DNAJC4: variants seen among roughly 807,000 people sequenced by gnomAD.
The protein encoded by DNAJC4 is dnaJ homolog subfamily C member 4.
DNAJC4 carries 26 observed loss-of-function variants against 26.8 expected under a neutral mutation model. The observed-to-expected ratio is 0.97, with a 90% CI of 0.71 to 1.34. The LOEUF is 1.34. DNAJC4 is among the 40% of genes most tolerant of loss of function. The pLI is 0.00. For synonymous variants in DNAJC4, 134 were observed against 127.8 expected (o/e 1.05, Z -0.33); for missense variants, 342 against 321.1 (o/e 1.07, Z -0.50).
At position 64,232,534 on chromosome 11, in the gene DNAJC4, T is replaced by C; in HGVS notation, c.285T>C (p.Tyr95=). The C allele has an allele frequency of 1.2e-6, 2 of 1,613,406 alleles. No homozygotes were observed. Among genetic ancestry groups the C allele is most frequent in the Non-Finnish European group, 1.7e-6 (2 of 1,179,538 alleles). The change falls in exon 3 of 6, where the codon TAT becomes TAC. Residue 95 remains tyrosine, a synonymous_variant. Transcript: ENST00000628077. ...VLSREQSRRS[Y]DDQLRSGSPP... is the part of the protein sequence containing the mutation. ...GCCGTGAGCAGAGCCGCCGCAGCTA[T>C]GATGACCAGCTCCGCTCAGGTAGTC... is the stretch of plus-strand genomic sequence containing the variant.
chr11:64,232,885 G>A lies in DNAJC4; in HGVS notation c.527+20G>A, dbSNP rs755742207. ...CTTCAGGTGATGCCTGTTCTCCCCG[G>A]GGTGATGGGCAGAGGGCAGGAGGGT... On this transcript the variant is annotated intron_variant, in intron 4 of 5. Transcript: ENST00000628077. 10 of 1,554,112 alleles carry A rather than the reference G, an allele frequency of 6.4e-6. No individual in the cohort carries two copies. The South Asian group carries it at 9.7e-5, about 15-fold the overall frequency.
chr11:64,233,539 C>G, intron 4 of DNAJC4: 1 of 261,734 alleles, frequency 3.8e-6, no homozygotes, highest in East Asian at 7.7e-5. Context: ...CCGCGCCTGG[C>G]CACAAAGCCG....
upstream of DNAJC4, chr11:64,230,511 G>A (rs1262424865): frequency 6.9e-6 from 4 of 582,428 alleles, no homozygotes; most frequent in East Asian, 1.1e-4. Flanking sequence ...CGACGGCCGC[G>A]GGTCTGTGAG....
Position 64,232,493 on chromosome 11 carries a change from G to A in DNAJC4, c.244G>A (p.Ala82Thr). 6.2e-7 allele frequency: 1 copy of A among 1,612,420 alleles called. No individual in the cohort carries two copies. The highest frequency in any genetic ancestry group is 2.2e-5 in the East Asian group (1 of 44,842). The change falls in exon 3 of 6, where the codon GCA becomes ACA. Residue 82 changes from alanine (A) to threonine (T), a missense_variant. Physicochemically the swap from Ala to Thr is moderately conservative, Grantham distance 58. Coordinates refer to ENST00000628077, the MANE Select transcript of DNAJC4 (RefSeq NM_005528.4). ...CAGCCGCTTTGTGGAGCTGAGCGAG[G>A]CATACCGTGTGCTCAGCCGTGAGCA... ...LHSRFVELSE[A>T]YRVLSREQSR...
At chr11:64,232,947 C>G in intron 4 of DNAJC4, 82 bp downstream of exon 4, 2 of 1,440,196 alleles carry the variant, frequency 1.4e-6, no homozygotes, top group South Asian at 3.0e-5. Context: ...TCCTCCACAG[C>G]ACCTCGTGGC....
Position 64,234,110 on chromosome 11 carries a change from C to A in DNAJC4, c.652C>A (p.Leu218Ile), listed in dbSNP as rs756692877. 2.5e-6 allele frequency: 4 copies of A among 1,606,260 alleles called. No individual in the cohort carries two copies. In the African/African-American group the frequency reaches 5.3e-5, roughly 21 times the overall value. ...CATCCTTCAGCAGGAGCGACAACGGCTAGGGCAGCGGCAGCCGCCACCATC... is the reference window on the plus strand; with the variant it reads ...CATCCTTCAGCAGGAGCGACAACGGATAGGGCAGCGGCAGCCGCCACCATC... ...RGILQQERQR[L>I]GQRQPPPSEP... is the part of the protein sequence containing the mutation. Residue 218 changes from leucine (L) to isoleucine (I), a missense_variant, in exon 6 of 6, where the codon CTA becomes ATA. Coordinates refer to ENST00000628077, the MANE Select transcript of DNAJC4 (RefSeq NM_005528.4). This position sits in a 1 kb window ranked among gnomAD's most constrained non-coding sequence, Gnocchi z 5.3.
At chr11:64,231,209 A>G (rs1393864730) in intron 1 of DNAJC4, 1 of 607,142 alleles carries the variant, frequency 1.6e-6, no homozygotes, top group Admixed American at 2.2e-5. Flanking sequence ...ATCACTGTGC[A>G]TAACCCTCTG....
rs777302086 is a variant in DNAJC4 at position 64,230,868 on chromosome 11, T to C, written c.14T>C (p.Leu5Pro). Residue 5 changes from leucine to proline, a missense_variant, in exon 1 of 6, where the codon CTG becomes CCG. Physicochemically the swap from Leu to Pro is moderately conservative, Grantham distance 98. Transcript: ENST00000628077. ...CCGCCCGCCGCCATGCCGCCCTTAC[T>C]GCCCCTGCGCCTGTGCCGGCTGTGG... MPPL[L>P]PLRLCRLWPR... 1.5e-5 allele frequency: 24 copies of C among 1,600,432 alleles called. No homozygotes were observed. In the East Asian group the frequency reaches 5.4e-4, roughly 36 times the overall value.
intron 1 of DNAJC4, 84 bp from the exon 2 acceptor site, chr11:64,231,787 G>A: frequency 7.5e-7 from 1 of 1,333,110 alleles, no homozygotes; most frequent in Non-Finnish European, 1.1e-6. Flanking sequence ...TGGTGGCTGA[G>A]TTGAAGGGTG....
Position 64,232,714 on chromosome 11 carries a change from C to A in DNAJC4, c.376C>A (p.Pro126Thr), listed in dbSNP as rs759735167. The A allele has an allele frequency of 1.9e-6, 3 of 1,590,944 alleles. No individual in the cohort carries two copies. Among genetic ancestry groups the A allele is most frequent in the Non-Finnish European group, 1.7e-6 (2 of 1,164,282 alleles). Residue 126 changes from proline to threonine, a missense_variant, in exon 4 of 6, where the codon CCC (proline) becomes ACC (threonine). Physicochemically the swap from Pro to Thr is conservative, Grantham distance 38. Coordinates refer to ENST00000628077, the MANE Select transcript of DNAJC4 (RefSeq NM_005528.4). ...SAHQTHSSWT[P>T]PNAQYWSQFH... ...TCTGCCTCCCAGCAGCTCCTGGACA[C>A]CCCCCAACGCACAGTACTGGTCCCA...
At chr11:64,232,109 G>A (rs34630188) in intron 2 of DNAJC4, 145 bp downstream of exon 2, 4 of 857,460 alleles carry the variant, frequency 4.7e-6, no homozygotes, top group Non-Finnish European at 7.4e-6. Flanking sequence ...CTCAATGGTA[G>A]GGGAAAGGCT....
In DNAJC4 at chr11:64,233,995, T is replaced by C. The variant is rs376314113; in HGVS notation, c.614+15T>C. 61 of 1,614,030 alleles carry C rather than the reference T, an allele frequency of 3.8e-5. No homozygotes were observed. The highest frequency in any genetic ancestry group is 5.3e-5 in the African/African-American group (4 of 75,054). ...GCACGGGCCAGGTCTGTCCCTGCTC[T>C]ATTCTGCTCCCTGCTCCCTGTCCAG... On this transcript the variant is annotated intron_variant, in intron 5 of 5. Coordinates refer to ENST00000628077, the MANE Select transcript of DNAJC4 (RefSeq NM_005528.4).
Position 64,232,721 on chromosome 11 carries a change from A to G in DNAJC4, c.383A>G (p.Asn128Ser), listed in dbSNP as rs1380042175. 1.3e-6 allele frequency: 2 copies of G among 1,598,926 alleles called. No individual in the cohort carries two copies. The highest frequency in any genetic ancestry group is 1.7e-6 in the Non-Finnish European group (2 of 1,169,846). Residue 128 changes from asparagine (N) to serine (S), a missense_variant, in exon 4 of 6, where the codon AAC (asparagine) becomes AGC (serine). Physicochemically the swap from Asn to Ser is conservative, Grantham distance 46 (BLOSUM62 1). Transcript: ENST00000628077. ...CCCAGCAGCTCCTGGACACCCCCCA[A>G]CGCACAGTACTGGTCCCAGTTTCAC... The part of the protein sequence containing the change: ...HQTHSSWTPP[N>S]AQYWSQFHSV...
chr11:64,232,758 A>C lies in DNAJC4; in HGVS notation c.420A>C (p.Pro140=), dbSNP rs777790627. ...GGTCCCAGTTTCACAGCGTGAGGCC[A>C]CAGGGGCCCCAGTTGAGGCAGCAGC... ...QYWSQFHSVR[P]QGPQLRQQQH... The change falls in exon 4 of 6, where the codon CCA becomes CCC. Residue 140 remains proline (P), a synonymous_variant. Transcript: ENST00000628077. 1.2e-6 allele frequency: 2 copies of C among 1,612,984 alleles called. No homozygotes were observed. The highest frequency in any genetic ancestry group is 3.3e-5 in the Admixed American group (2 of 59,852).
rs2135002130 is a variant in DNAJC4 at position 64,230,953 on chromosome 11, C to G, written c.86+13C>G. 1 of 1,541,822 alleles carries G rather than the reference C, an allele frequency of 6.5e-7. No individual in the cohort carries two copies. Among genetic ancestry groups the G allele is most frequent in the South Asian group, 1.2e-5 (1 of 84,598 alleles). ...CCGCCGGGCAGCGGTGAGTTGGGCG[C>G]GGGGGGCCGGCCCGGTTGTTCAATG... On this transcript the variant is annotated intron_variant, in intron 1 of 5. Coordinates refer to ENST00000628077, the MANE Select transcript of DNAJC4 (RefSeq NM_005528.4).
chr11:64,233,939 G>A lies in DNAJC4; in HGVS notation c.573G>A (p.Arg191=), dbSNP rs1209824008. ...TTAACTTCATGGATGAAAAGGATCG[G>A]ATCATCACAGCCTTCTACAACGAAG... ...MHLNFMDEKD[R]IITAFYNEAR... The change falls in exon 5 of 6, where the codon CGG becomes CGA. Residue 191 remains arginine, a synonymous_variant. Coordinates refer to ENST00000628077, the MANE Select transcript of DNAJC4 (RefSeq NM_005528.4). 6.2e-7 allele frequency: 1 copy of A among 1,614,094 alleles called. No homozygotes were observed. Among genetic ancestry groups the A allele is most frequent in the Non-Finnish European group, 8.5e-7 (1 of 1,180,018 alleles).
At chr11:64,231,167 C>G in intron 1 of DNAJC4, 1 of 682,644 alleles carries the variant, frequency 1.5e-6, no homozygotes, top group Non-Finnish European at 2.7e-6. Context: ...AACGCTCTTA[C>G]CACAGCTCTA....
chr11:64,231,772 G>A, intron 1 of DNAJC4, 99 bp from the exon 2 acceptor site: 1 of 1,111,560 alleles, frequency 9.0e-7, no homozygotes, highest in Non-Finnish European at 1.4e-6. Flanking sequence ...AGCCCTGTCA[G>A]CTCCTGGTGG....
Position 64,232,557 on chromosome 11 carries a change from G to A in DNAJC4, c.308G>A (p.Ser103Asn). ...RSYDDQLRSG[S>N]PPKSPRTTVH... is the part of the protein sequence containing the mutation. ...TATGATGACCAGCTCCGCTCAGGTA[G>A]TCCCCCAAAGTCTCCACGAACCACA... Residue 103 changes from serine to asparagine, a missense_variant, in exon 3 of 6, where the codon AGT becomes AAT. Transcript: ENST00000628077. The A allele has an allele frequency of 6.2e-7, 1 of 1,612,242 alleles. No homozygotes were observed. Among genetic ancestry groups the A allele is most frequent in the Non-Finnish European group, 8.5e-7 (1 of 1,178,652 alleles).
Sources: gnomAD v4.1 joint callset for allele counts on GRCh38, gnomAD v4.1.1 for gene constraint, Gnocchi (gnomAD v3.1) non-coding constraint, MANE v1.5 for transcripts, NCBI Gene and HGNC (gene_info 2026-07-23, HGNC 2026-07-21) for gene names.